The following CABIN1 variants were observed in gnomAD, a reference collection of about 807,000 sequenced individuals.
CABIN1 encodes calcineurin binding protein 1, also known as calcineurin-binding protein cabin-1.
In CABIN1, 133 loss-of-function variants were observed where a neutral mutation model predicts 227.7. That is an observed-to-expected ratio of 0.58 (90% confidence interval 0.51 to 0.67). The LOEUF is 0.67. CABIN1 is among the 30% of genes least tolerant of loss of function. The pLI, the probability that CABIN1 is intolerant of heterozygous loss-of-function variation, is 0.00. For synonymous variants in CABIN1, 1,086 were observed against 1,155.1 expected (o/e 0.94, Z 1.21); for missense variants, 2,408 against 2,852.5 (o/e 0.84, Z 3.55).
chr22:24,167,325 G>A lies in CABIN1; in HGVS notation c.5682+12G>A, dbSNP rs1307458400. 1.9e-6 allele frequency: 3 copies of A among 1,609,268 alleles called. No homozygotes were observed. In the South Asian group the frequency reaches 3.3e-5, roughly 18 times the overall value. ...TGCTCATCAAGCAGGTGGGTGGCAG[G>A]CAGAGGCCTGGGGGCACTAGTCTGC... On this transcript the variant is annotated intron_variant, in intron 32 of 36. Transcript: ENST00000263119.
intron 26 of CABIN1, among the ~76,000 whole-genome samples, chr22:24,102,646 G>C (rs906562275): frequency 6.6e-6 from 1 of 152,138 alleles, no homozygotes; most frequent in Non-Finnish European, 1.5e-5. Flanking sequence ...AGGCCTTTCC[G>C]AGGAGGCAAA....
intron 19 of CABIN1, among the ~76,000 whole-genome samples, chr22:24,080,602 CT>C (rs563911191): frequency 1.3e-5 from 2 of 152,098 alleles, no homozygotes; most frequent in Non-Finnish European, 2.9e-5. Context: ...CTCCATAATA[CT>C]TTTTTTCCTT....
chr22:24,094,866 C>T (rs937906544), intron 24 of CABIN1, among the ~76,000 whole-genome samples: 1 of 151,212 alleles, frequency 6.6e-6, no homozygotes, highest in African/African-American at 2.4e-5. Context: ...TGACATTTCT[C>T]TGAAGATTTT....
chr22:24,043,106 T>TCTTC (rs1351313333), intron 6 of CABIN1, 22 bp downstream of exon 6: 1 of 1,611,462 alleles, frequency 6.2e-7, no homozygotes, highest in Non-Finnish European at 8.5e-7. Flanking sequence ...TTTGATGCTT[T>TCTTC]CTTCCATGTG....
At position 24,177,879 on chromosome 22, in the gene CABIN1, C is replaced by T. The variant is rs1206054221; in HGVS notation, c.6519+62C>T. The T allele has an allele frequency of 1.7e-5, 24 of 1,443,658 alleles. No homozygotes were observed. In the East Asian group the frequency reaches 5.8e-4, roughly 35 times the overall value. 89.4% of individuals were successfully genotyped at this position (1,443,658 alleles called of 1,614,324 possible). A position where few individuals can be genotyped will look rare whatever the true frequency, so the allele number is the denominator to read the frequency against. ...GGGAGGCATAGGTTACAAAGGGGGC[C>T]TAGGATGGGGGTGGGGGTGGCAGGA... On this transcript the variant is annotated intron_variant, in intron 36 of 36. Coordinates refer to ENST00000263119, the MANE Select transcript of CABIN1 (RefSeq NM_012295.4). This position sits in a 1 kb window ranked among gnomAD's most constrained non-coding sequence, Gnocchi z 4.4.
rs139483825 is a variant in CABIN1 at position 24,070,985 on chromosome 22, C to T, written c.2418C>T (p.Ile806=). Reference sequence around the variant, plus strand: ...TCTCTGCGGACAGCAGTGGTAGCATCCTGAAGGTATCATCCTCCACCACTG... The same window carrying T: ...TCTCTGCGGACAGCAGTGGTAGCATTCTGAAGGTATCATCCTCCACCACTG... ...QALSADSSGS[I]LKVSSSTTGL... The change falls in exon 17 of 37, where the codon ATC becomes ATT. Residue 806 remains isoleucine (I), a synonymous_variant. Coordinates refer to ENST00000263119, the MANE Select transcript of CABIN1 (RefSeq NM_012295.4). The T allele has an allele frequency of 3.7e-6, 6 of 1,614,108 alleles. No homozygotes were observed. In the African/African-American group the frequency reaches 8.0e-5, roughly 22 times the overall value.
At chr22:24,075,263 G>C (rs1307883826) in intron 18 of CABIN1, among the ~76,000 whole-genome samples, 2 of 152,124 alleles carry the variant, frequency 1.3e-5, no homozygotes, top group Non-Finnish European at 2.9e-5. Context: ...AGTGGCTTCT[G>C]ACATGTTCTG....
chr22:24,055,407 T>C (rs1008251044), intron 9 of CABIN1, among the ~76,000 whole-genome samples: 1 of 152,246 alleles, frequency 6.6e-6, no homozygotes, highest in African/African-American at 2.4e-5. Flanking sequence ...ATGCAGCTCC[T>C]GGTCCTTGAC....
At chr22:24,038,815 T>C (rs996138945) in intron 4 of CABIN1, among the ~76,000 whole-genome samples, 7 of 152,220 alleles carry the variant, frequency 4.6e-5, no homozygotes, top group African/African-American at 1.7e-4. Flanking sequence ...TCCAAGTAAG[T>C]GAAGCATTCG....
At chr22:24,036,651 T>C (rs2036914323) in intron 3 of CABIN1, among the ~76,000 whole-genome samples, 1 of 152,200 alleles carries the variant, frequency 6.6e-6, no homozygotes, top group African/African-American at 2.4e-5. Flanking sequence ...CCATGAGGCC[T>C]GGCATCTCTT....
intron 16 of CABIN1, among the ~76,000 whole-genome samples, chr22:24,068,558 C>T (rs750512295): frequency 1.3e-5 from 2 of 152,188 alleles, no homozygotes; most frequent in African/African-American, 4.8e-5. Context: ...AGGTCGGAGC[C>T]GAATGCTGTG....
At chr22:24,071,831 C>T (rs2040108489) in intron 17 of CABIN1, among the ~76,000 whole-genome samples, 1 of 152,172 alleles carries the variant, frequency 6.6e-6, no homozygotes. Context: ...TGCAGCCTTC[C>T]TGGGCTACCC....
chr22:24,025,856 C>T (rs2036047815), intron 1 of CABIN1, among the ~76,000 whole-genome samples: 1 of 152,000 alleles, frequency 6.6e-6, no homozygotes, highest in African/African-American at 2.4e-5. Context: ...TTTTTTGAGA[C>T]AGGCTTTCAC....
In CABIN1 at chr22:24,072,511, G is replaced by A; in HGVS notation, c.2632+1G>A. ...CAGCTCCAAAACCCAGCGGAGGAAG[G>A]TGCACAGGCAGTGGGTGCAGTGGGG... On this transcript the variant is annotated splice_donor_variant, in intron 18 of 36. Coordinates refer to ENST00000263119, the MANE Select transcript of CABIN1 (RefSeq NM_012295.4). LOFTEE classifies it high-confidence loss of function. 6.2e-7 allele frequency: 1 copy of A among 1,614,168 alleles called. No homozygotes were observed. Among genetic ancestry groups the A allele is most frequent in the Non-Finnish European group, 8.5e-7 (1 of 1,180,040 alleles).
chr22:24,039,150 G>A (rs141131326), intron 4 of CABIN1, among the ~76,000 whole-genome samples: 179 of 152,256 alleles, frequency 1.2e-3, no homozygotes, highest in Non-Finnish European at 2.2e-3. Context: ...GAGGAAAGGC[G>A]TTTGTTTTCA....
intron 3 of CABIN1, 106 bp downstream of exon 3, chr22:24,036,287 A>G: frequency 1.2e-6 from 1 of 834,564 alleles, no homozygotes; most frequent in Non-Finnish European, 2.1e-6. Flanking sequence ...TTAGGGGGAA[A>G]TTCCATTTTG....
intron 29 of CABIN1, among the ~76,000 whole-genome samples, chr22:24,153,283 C>T (rs757581449): frequency 6.6e-6 from 1 of 152,222 alleles, no homozygotes; most frequent in South Asian, 2.1e-4. Context: ...CTTAGGTTGG[C>T]AGAGAGCTGC....
At chr22:24,082,880 G>A (rs1181884986) in intron 19 of CABIN1, among the ~76,000 whole-genome samples, 2 of 152,176 alleles carry the variant, frequency 1.3e-5, no homozygotes, top group African/African-American at 2.4e-5. Context: ...GTAAATATTC[G>A]TTGAGGAAAT....
intron 29 of CABIN1, among the ~76,000 whole-genome samples, chr22:24,139,265 C>T (rs1369964584): frequency 1.3e-5 from 2 of 152,150 alleles, no homozygotes; most frequent in African/African-American, 2.4e-5. Flanking sequence ...ACAGATGTGT[C>T]GTGCGGCTTT....
Sources: allele counts gnomAD v4.1 joint callset (sites outside exome capture counted in the v4.1 genomes callset), GRCh38; gene constraint gnomAD v4.1.1; non-coding constraint Gnocchi (gnomAD v3.1); transcripts MANE v1.5; gene names NCBI Gene and HGNC (gene_info 2026-07-23, HGNC 2026-07-21).